RHBDL2: variants seen among roughly 807,000 people sequenced by gnomAD.
RHBDL2 encodes the protein rhomboid like 2.
RHBDL2 carries 26 observed loss-of-function variants against 31.7 expected under a neutral mutation model. The observed-to-expected ratio is 0.82, with a 90% CI of 0.60 to 1.14. The LOEUF (loss-of-function observed/expected upper bound fraction) is 1.14, where lower values mean the gene tolerates loss of function less well. Among genes scored for constraint, RHBDL2 ranks in the 50% most tolerant of loss-of-function variants. RHBDL2 has a pLI of 0.00. For missense variants in RHBDL2, 336 were observed against 364.4 expected, an observed-to-expected ratio of 0.92 and a Z score of 0.63; for synonymous variants, 123 against 127.2, an observed-to-expected ratio of 0.97 and a Z score of 0.22.
At chr1:38,926,260 C>A in intron 1 of RHBDL2, 2 of 1,030,082 alleles carry the variant, frequency 1.9e-6, no homozygotes, top group Non-Finnish European at 2.4e-6. Flanking sequence ...AGACGCCTTG[C>A]CACTGGGGTC....
At chr1:38,924,342 C>G (rs1193262361) in intron 1 of RHBDL2, among the ~76,000 whole-genome samples, 2 of 152,096 alleles carry the variant, frequency 1.3e-5, no homozygotes, top group African/African-American at 4.8e-5. Context: ...CGCCTGTAAT[C>G]CCAGCATTTT....
intron 1 of RHBDL2, among the ~76,000 whole-genome samples, chr1:38,924,370 G>A (rs368050099): frequency 3.9e-5 from 6 of 152,052 alleles, no homozygotes; most frequent in Admixed American, 1.3e-4. Context: ...GGAGGCAGGC[G>A]GATCACAAGG....
At chr1:38,912,406 G>GTT (rs569035679) in intron 3 of RHBDL2, among the ~76,000 whole-genome samples, 1 of 143,970 alleles carries the variant, frequency 6.9e-6, no homozygotes. Flanking sequence ...CGCCTGGCCC[G>GTT]TTTTTTTTTT....
chr1:38,896,778 C>A (rs1355885525), intron 4 of RHBDL2, among the ~76,000 whole-genome samples: 2 of 152,160 alleles, frequency 1.3e-5, no homozygotes, highest in African/African-American at 2.4e-5. Context: ...CTTTGCAAAC[C>A]ACCTTATGCA....
intron 2 of RHBDL2, among the ~76,000 whole-genome samples, chr1:38,916,684 C>T (rs1038905313): frequency 3.4e-5 from 5 of 147,824 alleles, no homozygotes; most frequent in Middle Eastern, 6.5e-3. Context: ...CACATCTCTA[C>T]TAAAAATACA....
At chr1:38,912,649 G>GACCTCA in intron 3 of RHBDL2, among the ~76,000 whole-genome samples, 1 of 150,744 alleles carries the variant, frequency 6.6e-6, no homozygotes, top group East Asian at 2.0e-4. Context: ...TCAAACTCCT[G>GACCTCA]GGTTCAAGCA....
chr1:38,923,146 A>G (rs1411847115), intron 1 of RHBDL2, among the ~76,000 whole-genome samples: 1 of 152,206 alleles, frequency 6.6e-6, no homozygotes, highest in Non-Finnish European at 1.5e-5. Context: ...GTGTGTGGCA[A>G]TGGGTGCAAT....
Position 38,940,458 on chromosome 1 carries a change from C to T in RHBDL2, c.-126+1224G>A, listed in dbSNP as rs1043411454. On this transcript the variant is annotated intron_variant, in intron 1 of 7. Coordinates refer to ENST00000372990, the MANE Select transcript of RHBDL2 (RefSeq NM_017821.5). ...CTGGACTCAAGGAATCCTCCCGCCT[C>T]GGCCTCCCAAATCACTGGGAGCGAG... Among the ~76,000 whole-genome samples the T allele has an allele frequency of 2.9e-4, 44 of 152,148 alleles. 1 individual carries two copies. Among genetic ancestry groups the T allele is most frequent in the African/African-American group, 9.2e-4 (38 of 41,432 alleles).
chr1:38,895,059 AT>A (rs1642900386), intron 5 of RHBDL2, among the ~76,000 whole-genome samples: 3 of 151,966 alleles, frequency 2.0e-5, no homozygotes. Context: ...ATCACCCCAA[AT>A]TTTTTTCAGC....
intron 1 of RHBDL2, among the ~76,000 whole-genome samples, chr1:38,929,125 ATCT>A (rs1194015253): frequency 6.6e-6 from 1 of 152,114 alleles, no homozygotes; most frequent in Non-Finnish European, 1.5e-5. Flanking sequence ...AGAAGTGTGA[ATCT>A]TCTTTTTGGT....
intron 1 of RHBDL2, among the ~76,000 whole-genome samples, chr1:38,921,532 G>A (rs1022304456): frequency 5.3e-5 from 8 of 152,154 alleles, no homozygotes; most frequent in African/African-American, 1.9e-4. Context: ...CACACTGCAT[G>A]TTACTGGGAA....
At chr1:38,928,747 T>A (rs562898501) in intron 1 of RHBDL2, among the ~76,000 whole-genome samples, 3 of 151,750 alleles carry the variant, frequency 2.0e-5, no homozygotes, top group African/African-American at 7.3e-5. Context: ...TGCCTGGCCA[T>A]GTAAAAAAAA....
At chr1:38,911,655 C>CGT (rs1643149170) in intron 3 of RHBDL2, among the ~76,000 whole-genome samples, 2 of 147,142 alleles carry the variant, frequency 1.4e-5, no homozygotes, top group African/African-American at 5.2e-5. Flanking sequence ...TGCGCGCGCG[C>CGT]GCGCGTGTGT....
At chr1:38,906,644 A>G (rs1464919794) in intron 4 of RHBDL2, among the ~76,000 whole-genome samples, 2 of 151,748 alleles carry the variant, frequency 1.3e-5, no homozygotes, top group Non-Finnish European at 2.9e-5. Context: ...ACTGCACTCC[A>G]GCCTGGGCGA....
chr1:38,899,923 C>A (rs1266149113), intron 4 of RHBDL2, among the ~76,000 whole-genome samples: 9 of 152,104 alleles, frequency 5.9e-5, no homozygotes. Flanking sequence ...AATCCAGGGC[C>A]GTCCTCCTCT....
chr1:38,930,881 T>C lies in RHBDL2; in HGVS notation c.-126+10801A>G, dbSNP rs145330865. Among the ~76,000 whole-genome samples, 26 of 152,322 alleles carry C rather than the reference T, an allele frequency of 1.7e-4. 1 individual carries two copies. In the East Asian group the frequency reaches 4.6e-3, roughly 27 times the overall value. On this transcript the variant is annotated intron_variant, in intron 1 of 7. Coordinates refer to ENST00000372990, the MANE Select transcript of RHBDL2 (RefSeq NM_017821.5). ...GTGGTCCACTGATAATGACCAACTGTCTGGTTTGCACAGGACTAGGAGTTT... is the reference window on the plus strand; with the variant it reads ...GTGGTCCACTGATAATGACCAACTGCCTGGTTTGCACAGGACTAGGAGTTT...
At chr1:38,924,815 T>C (rs1429729952) in intron 1 of RHBDL2, among the ~76,000 whole-genome samples, 1 of 147,312 alleles carries the variant, frequency 6.8e-6, no homozygotes, top group Non-Finnish European at 1.5e-5. Context: ...TGAGTTTTGC[T>C]CTTGTTGCCA....
intron 4 of RHBDL2, among the ~76,000 whole-genome samples, chr1:38,908,712 G>A (rs935342635): frequency 1.3e-5 from 2 of 152,024 alleles, no homozygotes; most frequent in Non-Finnish European, 2.9e-5. Context: ...CAGTGATCTA[G>A]GGGTGAATTT....
intron 1 of RHBDL2, among the ~76,000 whole-genome samples, chr1:38,932,594 G>A (rs1250169243): frequency 2.0e-5 from 3 of 152,106 alleles, no homozygotes; most frequent in Non-Finnish European, 4.4e-5. Context: ...CAAGTAGCTG[G>A]GACTACAGGT....
Sources: gnomAD v4.1 joint callset for allele counts (sites outside exome capture counted in the v4.1 genomes callset) on GRCh38, gnomAD v4.1.1 for gene constraint, MANE v1.5 for transcripts, NCBI Gene and HGNC (gene_info 2026-07-23, HGNC 2026-07-21) for gene names.